FHOD3: variants seen among roughly 807,000 people sequenced by gnomAD.
FHOD3 encodes the protein FH1/FH2 domain-containing protein 3.
A neutral mutation model predicts 173.0 loss-of-function variants in FHOD3; 90 were observed. The ratio of observed to expected loss-of-function variants is 0.52; its 90% CI spans 0.44 to 0.62. The LOEUF (loss-of-function observed/expected upper bound fraction) is 0.62. Ranked by LOEUF, FHOD3 falls within the 20% of genes least tolerant of loss-of-function variation. The pLI is 0.00. For synonymous variants in FHOD3, 828 were observed against 823.0 expected (o/e 1.01, Z -0.10); for missense variants, 1,945 against 2,034.7 (o/e 0.96, Z 0.85).
intron 5 of FHOD3, among the ~76,000 whole-genome samples, chr18:36,563,158 A>T (rs180878568): frequency 2.5e-4 from 38 of 152,338 alleles, no homozygotes; most frequent in Admixed American, 1.6e-3. Context: ...TTGAAATCCT[A>T]AATAGAGAGA....
At chr18:36,331,258 G>C (rs954078257) in intron 1 of FHOD3, among the ~76,000 whole-genome samples, 2 of 152,200 alleles carry the variant, frequency 1.3e-5, no homozygotes, top group Non-Finnish European at 2.9e-5. Context: ...TCAAGAGGGG[G>C]GTTTTAGTCC....
chr18:36,346,953 A>G (rs1417107783), intron 1 of FHOD3, among the ~76,000 whole-genome samples: 3 of 152,180 alleles, frequency 2.0e-5, no homozygotes, highest in Non-Finnish European at 4.4e-5. Flanking sequence ...TAAAGAAAAC[A>G]ACAGAAACAA....
At chr18:36,629,569 CTG>C (rs1162410022) in intron 10 of FHOD3, among the ~76,000 whole-genome samples, 1 of 152,124 alleles carries the variant, frequency 6.6e-6, no homozygotes, top group Non-Finnish European at 1.5e-5. Context: ...GAAGAATCCA[CTG>C]TGTTATGTGT....
chr18:36,506,106 T>C (rs530902333), intron 4 of FHOD3, among the ~76,000 whole-genome samples: 4 of 152,222 alleles, frequency 2.6e-5, no homozygotes, highest in Non-Finnish European at 4.4e-5. Context: ...GTTCTGCTGA[T>C]CTTCCAGCTG....
At chr18:36,524,209 G>A (rs1367159156) in intron 5 of FHOD3, among the ~76,000 whole-genome samples, 1 of 151,558 alleles carries the variant, frequency 6.6e-6, no homozygotes, top group East Asian at 1.9e-4. Flanking sequence ...TTGAATTCAG[G>A]AAGCGGAGGT....
intron 23 of FHOD3, 111 bp downstream of exon 23, chr18:36,744,304 C>A: frequency 9.9e-7 from 1 of 1,008,608 alleles, no homozygotes; most frequent in Non-Finnish European, 1.4e-6. Flanking sequence ...CAAGTGCTGC[C>A]TGCATTCTCT....
At chr18:36,309,799 G>A (rs1358532739) in intron 1 of FHOD3, among the ~76,000 whole-genome samples, 1 of 152,092 alleles carries the variant, frequency 6.6e-6, no homozygotes, top group Admixed American at 6.5e-5. Flanking sequence ...GTGCATTTTT[G>A]TGGACAGTGA....
chr18:36,764,109 A>T (rs998096324), intron 27 of FHOD3, among the ~76,000 whole-genome samples: 6 of 152,110 alleles, frequency 3.9e-5, no homozygotes, highest in Non-Finnish European at 7.3e-5. Context: ...TGCTATATGG[A>T]AGGAAAGGTA....
intron 14 of FHOD3, among the ~76,000 whole-genome samples, chr18:36,674,662 G>A (rs1237813054): frequency 1.3e-5 from 2 of 152,178 alleles, no homozygotes; most frequent in African/African-American, 2.4e-5. Flanking sequence ...GACTTGCTAA[G>A]TGAGAGCTGA....
chr18:36,491,339 C>T (rs1241244873), intron 3 of FHOD3, among the ~76,000 whole-genome samples: 1 of 152,148 alleles, frequency 6.6e-6, no homozygotes, highest in African/African-American at 2.4e-5. Flanking sequence ...CAACCTTCTC[C>T]AATTTCCCAT....
At chr18:36,662,377 A>G (rs2036869759) in intron 14 of FHOD3, among the ~76,000 whole-genome samples, 1 of 152,196 alleles carries the variant, frequency 6.6e-6, no homozygotes, top group Non-Finnish European at 1.5e-5. Flanking sequence ...TAGGAACCTC[A>G]GGCCCATACT....
intron 3 of FHOD3, among the ~76,000 whole-genome samples, chr18:36,488,535 T>C (rs1051792343): frequency 2.0e-5 from 3 of 152,188 alleles, no homozygotes; most frequent in African/African-American, 7.2e-5. Flanking sequence ...AGGAAAGGAC[T>C]GGACTATTCA....
intron 8 of FHOD3, among the ~76,000 whole-genome samples, chr18:36,609,702 C>T (rs139932241): frequency 0.13 from 19,689 of 151,202 alleles, 1,355 homozygotes; most frequent in Non-Finnish European, 0.15. Flanking sequence ...CTCCGTCTCC[C>T]GGGTTCAAGT....
intron 4 of FHOD3, among the ~76,000 whole-genome samples, chr18:36,508,703 A>G (rs1215871402): frequency 4.6e-5 from 7 of 151,718 alleles, no homozygotes; most frequent in Admixed American, 4.6e-4. Context: ...TATTTTGCAG[A>G]TGAATTAAGT....
intron 10 of FHOD3, among the ~76,000 whole-genome samples, chr18:36,629,584 G>C (rs78435343): frequency 0.027 from 4,050 of 152,186 alleles, 163 homozygotes; most frequent in African/African-American, 0.092. Flanking sequence ...TTATGTGTGA[G>C]GGCTATGGGG....
chr18:36,647,104 T>C (rs2035740469), intron 10 of FHOD3, among the ~76,000 whole-genome samples: 1 of 151,958 alleles, frequency 6.6e-6, no homozygotes, highest in Non-Finnish European at 1.5e-5. Context: ...TAGCTGGGCA[T>C]GGTGGTGGGT....
intron 1 of FHOD3, among the ~76,000 whole-genome samples, chr18:36,302,361 TAG>T (rs2091976326): frequency 6.6e-6 from 1 of 152,168 alleles, no homozygotes; most frequent in Non-Finnish European, 1.5e-5. Flanking sequence ...TGGGCTGTAT[TAG>T]AAATGCACAC....
At chr18:36,753,070 G>T (rs2042473773) in intron 24 of FHOD3, among the ~76,000 whole-genome samples, 1 of 152,176 alleles carries the variant, frequency 6.6e-6, no homozygotes, top group Admixed American at 6.5e-5. Context: ...GGAGGAGGTG[G>T]TATTTTGGGC....
At chr18:36,524,281 CAAA>C (rs34510109) in intron 5 of FHOD3, among the ~76,000 whole-genome samples, 1,800 of 111,860 alleles carry the variant, frequency 0.016, 39 homozygotes, top group African/African-American at 0.059. Context: ...GGCTCTACCT[CAAA>C]AAAAAAAAAA....
Sources: allele counts gnomAD v4.1 joint callset (sites outside exome capture counted in the v4.1 genomes callset), GRCh38; gene constraint gnomAD v4.1.1; transcripts MANE v1.5; gene names NCBI Gene and HGNC (gene_info 2026-07-23, HGNC 2026-07-21).